DIAPH2: variants seen among roughly 807,000 people sequenced by gnomAD.
DIAPH2 encodes diaphanous related formin 2, also known as protein diaphanous homolog 2.
Under a neutral mutation model 92.7 loss-of-function variants are expected in DIAPH2, and 35 were observed. The observed-to-expected ratio is 0.38, with a 90% CI of 0.29 to 0.50. The LOEUF (loss-of-function observed/expected upper bound fraction) is 0.50. Among genes scored for constraint, DIAPH2 ranks in the 20% least tolerant of loss-of-function variants. The pLI is 0.94. For synonymous variants in DIAPH2, 301 were observed against 280.4 expected, an observed-to-expected ratio of 1.07 and a Z score of -0.73; for missense variants, 701 against 819.5, an observed-to-expected ratio of 0.86 and a Z score of 1.77.
intron 17 of DIAPH2, among the ~76,000 whole-genome samples, chrX:97,050,849 T>C (rs1166229709): frequency 1.8e-5 from 2 of 112,101 alleles, no homozygotes; most frequent in Non-Finnish European, 3.8e-5. Context: ...TTCAGAAATA[T>C]TGCTTGCTGA....
In DIAPH2 at chrX:97,599,386, T is replaced by G; in HGVS notation, c.*69T>G. On this transcript the variant is annotated 3_prime_UTR_variant, in exon 27 of 27. Transcript: ENST00000324765. ...ATGATGCATTTTGAGAAGAACAAAGTGTGCACTCAGCGGCTGGAAAGGAAA... is the reference window on the plus strand; with the variant it reads ...ATGATGCATTTTGAGAAGAACAAAGGGTGCACTCAGCGGCTGGAAAGGAAA... The G allele has an allele frequency of 5.2e-6, 4 of 768,124 alleles. No individual in the cohort carries two copies. Among genetic ancestry groups the G allele is most frequent in the Non-Finnish European group, 7.6e-6 (4 of 526,419 alleles). 63.3% of individuals were successfully genotyped at this position (768,124 alleles called of 1,213,427 possible).
chrX:97,270,997 G>C (rs1042320851), intron 23 of DIAPH2, among the ~76,000 whole-genome samples: 1 of 111,220 alleles, frequency 9.0e-6, no homozygotes, highest in Non-Finnish European at 1.9e-5. Flanking sequence ...CATGTACAAA[G>C]TATGTACTCT....
chrX:96,960,978 G>A (rs1287030982), intron 16 of DIAPH2, among the ~76,000 whole-genome samples: 1 of 111,758 alleles, frequency 8.9e-6, no homozygotes. Flanking sequence ...TCTTTTGGAT[G>A]TGCTGTTGGA....
intron 19 of DIAPH2, among the ~76,000 whole-genome samples, chrX:97,098,800 C>T (rs967354242): frequency 8.9e-5 from 10 of 112,953 alleles, no homozygotes; most frequent in Non-Finnish European, 1.1e-4. Flanking sequence ...CCCTCAAAGG[C>T]GCTGCCTTTA....
chrX:96,780,991 G>C lies in DIAPH2; in HGVS notation c.447+22733G>C, dbSNP rs558642323. Among the ~76,000 whole-genome samples, 6 of 109,250 alleles carry C rather than the reference G, an allele frequency of 5.5e-5. No individual in the cohort carries two copies. The South Asian group carries it at 2.4e-3, about 45-fold the overall frequency. The allele number at this position is 109,250 out of a possible 115,157, so 94.9% of individuals were successfully genotyped here. On this transcript the variant is annotated intron_variant, in intron 4 of 26. Transcript: ENST00000324765. ...CCGACTAATTTTTGTATTTTTAGTA[G>C]AGACGGGGTTTTGCCATGTTGGTCA...
chrX:97,579,320 C>T (rs1374300288), intron 26 of DIAPH2, among the ~76,000 whole-genome samples: 1 of 110,175 alleles, frequency 9.1e-6, no homozygotes, highest in East Asian at 2.9e-4. Flanking sequence ...ACGTTTAAGT[C>T]TTTAATCCAT....
At chrX:97,046,456 G>T (rs1022568650) in intron 17 of DIAPH2, among the ~76,000 whole-genome samples, 1 of 111,249 alleles carries the variant, frequency 9.0e-6, no homozygotes, top group African/African-American at 3.3e-5. Flanking sequence ...CATTAGTTAG[G>T]CAGCAGTGTC....
chrX:97,092,584 C>T (rs145912908), intron 19 of DIAPH2, among the ~76,000 whole-genome samples: 220 of 112,369 alleles, frequency 2.0e-3, no homozygotes, highest in African/African-American at 6.9e-3. Flanking sequence ...TCGATACAGG[C>T]ACCTTTAACT....
intron 19 of DIAPH2, among the ~76,000 whole-genome samples, chrX:97,091,248 C>T (rs948423236): frequency 9.0e-6 from 1 of 110,857 alleles, no homozygotes; most frequent in Admixed American, 9.6e-5. Context: ...TTTTACTTCT[C>T]CCCAAAACAA....
intron 26 of DIAPH2, among the ~76,000 whole-genome samples, chrX:97,546,126 T>A (rs749542495): frequency 1.1e-4 from 12 of 110,923 alleles, no homozygotes; most frequent in Non-Finnish European, 2.3e-4. Flanking sequence ...GCATGAGGTT[T>A]AAATCGTGTT....
At chrX:97,239,992 CTT>C (rs2068080546) in intron 22 of DIAPH2, among the ~76,000 whole-genome samples, 1 of 110,787 alleles carries the variant, frequency 9.0e-6, no homozygotes, top group East Asian at 2.8e-4. Flanking sequence ...ATTGCCAACT[CTT>C]AAGATTGAGG....
rs984954471 is a variant in DIAPH2, at chrX:96,993,965, A to T, written c.2050+28758A>T. ...TAAGGCATGGAATGTTTGGTTGGAG[A>T]ATGTGGTATGAAGGACAGGAGGGAG... is the stretch of plus-strand genomic sequence containing the variant. On this transcript the variant is annotated intron_variant, in intron 17 of 26. Transcript: ENST00000324765. 3.6e-5 allele frequency among the ~76,000 whole-genome samples: 4 copies of T among 111,140 alleles called. No individual in the cohort carries two copies. In the Admixed American group the frequency reaches 3.8e-4, roughly 11 times the overall value.
intron 5 of DIAPH2, among the ~76,000 whole-genome samples, chrX:96,909,692 T>C (rs2065457572): frequency 9.0e-6 from 1 of 111,605 alleles, no homozygotes; most frequent in Non-Finnish European, 1.9e-5. Flanking sequence ...CATTTAAGAC[T>C]TTTCCCTGTC....
intron 25 of DIAPH2, among the ~76,000 whole-genome samples, chrX:97,387,355 G>A (rs2069612719): frequency 8.9e-6 from 1 of 112,314 alleles, no homozygotes; most frequent in South Asian, 3.7e-4. Flanking sequence ...TAAGATGTGT[G>A]TGTACACAAA....
chrX:97,514,689 G>T (rs1424302782), intron 26 of DIAPH2, among the ~76,000 whole-genome samples: 40 of 108,563 alleles, frequency 3.7e-4, no homozygotes, highest in African/African-American at 1.3e-3. Context: ...TGGGTTTTTG[G>T]TGTGGATGTC....
chrX:96,966,655 G>A (rs190277211), intron 17 of DIAPH2, among the ~76,000 whole-genome samples: 43 of 111,337 alleles, frequency 3.9e-4, no homozygotes, highest in African/African-American at 1.4e-3. Context: ...TTTGTGTATG[G>A]GCCTATCTTA....
intron 4 of DIAPH2, among the ~76,000 whole-genome samples, chrX:96,760,552 C>G (rs1410157616): frequency 9.0e-6 from 1 of 110,870 alleles, no homozygotes; most frequent in Non-Finnish European, 1.9e-5. Context: ...CCGTTTAACA[C>G]CTGCATTAAT....
At chrX:97,302,225 AAAAAAAAAGTATTGGAC>A (rs1253239715) in intron 23 of DIAPH2, among the ~76,000 whole-genome samples, 1 of 93,571 alleles carries the variant, frequency 1.1e-5, no homozygotes, top group African/African-American at 3.7e-5. Context: ...AAAAAAAAAA[AAAAAAAAAGTATTGGAC>A]ACTCAGCCAG....
intron 5 of DIAPH2, among the ~76,000 whole-genome samples, chrX:96,886,911 C>CTTTTTT (rs55653485): frequency 9.6e-6 from 1 of 103,962 alleles, no homozygotes; most frequent in Non-Finnish European, 2.0e-5. Context: ...GAAAAAAACT[C>CTTTTTT]TTTTTTTTTT....
Sources: allele counts gnomAD v4.1 joint callset (sites outside exome capture counted in the v4.1 genomes callset), GRCh38; gene constraint gnomAD v4.1.1; transcripts MANE v1.5; gene names NCBI Gene and HGNC (gene_info 2026-07-23, HGNC 2026-07-21).